The following DACT2 variants were observed in gnomAD, a reference collection of about 807,000 sequenced individuals.
The protein encoded by DACT2 is dapper homolog 2.
In DACT2, 20 loss-of-function variants were observed where a neutral mutation model predicts 22.2. The observed-to-expected ratio is 0.90, with a 90% confidence interval of 0.63 to 1.31. The LOEUF is 1.31. Ranked by LOEUF, DACT2 falls within the 50% of genes most tolerant of loss-of-function variation. The pLI is 0.00. For synonymous variants in DACT2, 463 were observed against 479.8 expected (o/e 0.96, Z 0.46); for missense variants, 1,048 against 1,061.4 (o/e 0.99, Z 0.18).
chr6:168,312,970 G>A (rs9355200), intron 1 of DACT2, among the ~76,000 whole-genome samples: 30,721 of 152,156 alleles, frequency 0.2, 3,812 homozygotes, highest in East Asian at 0.6. Context: ...TCTGTGCCAG[G>A]AGCAGACCTC....
Position 168,319,638 on chromosome 6 carries a change from C to T in DACT2, c.-5G>A. The T allele has an allele frequency of 3.1e-6, 4 of 1,270,742 alleles. No individual in the cohort carries two copies. The highest frequency in any genetic ancestry group is 1.6e-5 in the African/African-American group (1 of 63,840). 78.7% of individuals were successfully genotyped at this position (1,270,742 alleles called of 1,614,324 possible). A position where few individuals can be genotyped will look rare whatever the true frequency, so the allele number is the denominator to read the frequency against. On this transcript the variant is annotated 5_prime_UTR_variant, in exon 1 of 4. Coordinates refer to ENST00000366795, the MANE Select transcript of DACT2 (RefSeq NM_214462.5). ...GGGTCCGCCCGGCGTCCACATCTCCCGGGCAGGGTCCCGGCCTCCCGAACC... is the reference window on the plus strand; with the variant it reads ...GGGTCCGCCCGGCGTCCACATCTCCTGGGCAGGGTCCCGGCCTCCCGAACC...
chr6:168,294,142 GA>G lies in DACT2; in HGVS notation c.785del (p.Phe262SerfsTer4). On this transcript the variant is annotated frameshift_variant, in exon 5 of 6. Coordinates refer to the DACT2 transcript ENST00000366796. LOFTEE classifies it high-confidence loss of function. ...AGCATGGAGCACTTACCACTGAGCA[GA>G]AAGGGAGCTGACAGCCACAGAGGCC... 1 of 703,010 alleles carries G rather than the reference GA, an allele frequency of 1.4e-6. No individual in the cohort carries two copies. The highest frequency in any genetic ancestry group is 2.6e-6 in the Non-Finnish European group (1 of 385,006). The allele number at this position is 703,010 out of a possible 1,614,324, so 43.5% of individuals were successfully genotyped here.
At chr6:168,313,811 G>A (rs926604883) in intron 1 of DACT2, among the ~76,000 whole-genome samples, 1 of 152,044 alleles carries the variant, frequency 6.6e-6, no homozygotes, top group Non-Finnish European at 1.5e-5. Context: ...TCCCGCCCCC[G>A]TGTCTGTGCT....
At chr6:168,311,591 CACACAT>C (rs1779412330) in intron 1 of DACT2, among the ~76,000 whole-genome samples, 1 of 58,350 alleles carries the variant, frequency 1.7e-5, no homozygotes, top group African/African-American at 5.8e-5. Context: ...CATCCACACA[CACACAT>C]ACACACACAC....
chr6:168,310,260 G>T lies in DACT2; in HGVS notation c.566C>A (p.Pro189His). 1.9e-6 allele frequency: 3 copies of T among 1,551,416 alleles called. No individual in the cohort carries two copies. The highest frequency in any genetic ancestry group is 3.9e-5 in the Admixed American group (2 of 51,000). Reference protein sequence around the residue: ...VDETTVPAWRPQATEEGARPP... With the variant: ...VDETTVPAWRHQATEEGARPP... ...CCTGGCGCCCTCCTCGGTAGCCTGG[G>T]GTCTCCACGCTGGCACAGTAGTCTC... is the stretch of plus-strand genomic sequence containing the variant. Residue 189 changes from proline (P) to histidine (H), a missense_variant, in exon 3 of 4, where the codon CCC becomes CAC. Coordinates refer to ENST00000366795, the MANE Select transcript of DACT2 (RefSeq NM_214462.5).
At chr6:168,309,463 G>A (rs1218580540) in intron 3 of DACT2, among the ~76,000 whole-genome samples, 1 of 152,218 alleles carries the variant, frequency 6.6e-6, no homozygotes, top group African/African-American at 2.4e-5. Context: ...GACACAGGGT[G>A]CGGGGCCCTA....
rs1362777646 is a variant in DACT2 at position 168,308,568 on chromosome 6, C to G, written c.1189G>C (p.Gly397Arg). 2.6e-6 allele frequency: 4 copies of G among 1,548,886 alleles called. No individual in the cohort carries two copies. The highest frequency in any genetic ancestry group is 3.5e-6 in the Non-Finnish European group (4 of 1,146,968). Residue 397 changes from glycine to arginine, a missense_variant, in exon 4 of 4, where the codon GGT becomes CGT. Gly to Arg is a moderately radical substitution (Grantham distance 125, BLOSUM62 -2). Transcript: ENST00000366795. ...TGCTGGGGCCCGCCCCTGCCGGCAC[C>G]CCTGCTCTGAGCTGGCCCTCCCTCG... ...EDEGGPAQSR[G>R]AGRGGPQQQG...
At position 168,308,943 on chromosome 6, in the gene DACT2, C is replaced by T; in HGVS notation, c.814G>A (p.Val272Met). ...TGCAGGGGGCTGGGGTACGGGTACACCTCCCTGCCGCCCTGGGACACCAGG... is the reference window on the plus strand; with the variant it reads ...TGCAGGGGGCTGGGGTACGGGTACATCTCCCTGCCGCCCTGGGACACCAGG... ...QDLVSQGGRE[V>M]YPYPSPLHAV... The change falls in exon 4 of 4, where the codon GTG becomes ATG. Residue 272 changes from valine to methionine, a missense_variant. Val to Met is a conservative substitution (Grantham distance 21). Transcript: ENST00000366795. The T allele has an allele frequency of 6.5e-7, 1 of 1,549,878 alleles. No homozygotes were observed. Among genetic ancestry groups the T allele is most frequent in the Non-Finnish European group, 8.7e-7 (1 of 1,146,968 alleles).
chr6:168,295,924 G>T (rs1778999695), intron 3 of DACT2, among the ~76,000 whole-genome samples: 1 of 152,288 alleles, frequency 6.6e-6, no homozygotes, highest in African/African-American at 2.4e-5. Context: ...CCTCACGTAC[G>T]TGATGCCCAG....
chr6:168,309,979 G>C (rs533079480), intron 3 of DACT2, among the ~76,000 whole-genome samples, 189 bp downstream of exon 3: 3 of 152,216 alleles, frequency 2.0e-5, no homozygotes, highest in Non-Finnish European at 2.9e-5. Flanking sequence ...GTGGTGATGC[G>C]CACAGCCGCA....
At chr6:168,296,975 G>A (rs1043905967) in intron 3 of DACT2, among the ~76,000 whole-genome samples, 14 of 152,114 alleles carry the variant, frequency 9.2e-5, no homozygotes, top group African/African-American at 3.4e-4. Context: ...AGAAAATGGG[G>A]GAAAAGGGTA....
intron 3 of DACT2, among the ~76,000 whole-genome samples, chr6:168,297,287 G>T (rs2114892969): frequency 1.3e-5 from 2 of 152,308 alleles, no homozygotes; most frequent in Admixed American, 1.3e-4. Context: ...GATGAAGTTT[G>T]CCAAGGGAAT....
Position 168,312,775 on chromosome 6 carries a change from A to G in DACT2, c.247-1491T>C, listed in dbSNP as rs1031223632. 2.0e-5 allele frequency among the ~76,000 whole-genome samples: 3 copies of G among 152,242 alleles called. No homozygotes were observed. The East Asian group carries it at 5.8e-4, about 29-fold the overall frequency. ...GAAATGAGGAGTTCCCCTGAGCCCC[A>G]TAACCTAGGCCTCAGGGAATTACTT... On this transcript the variant is annotated intron_variant, in intron 1 of 3. Coordinates refer to ENST00000366795, the MANE Select transcript of DACT2 (RefSeq NM_214462.5).
chr6:168,307,925 G>A lies in DACT2; in HGVS notation c.1832C>T (p.Ser611Phe), dbSNP rs1779261426. The A allele has an allele frequency of 2.6e-6, 4 of 1,546,656 alleles. No homozygotes were observed. The highest frequency in any genetic ancestry group is 3.5e-6 in the Non-Finnish European group (4 of 1,146,828). The change falls in exon 4 of 4, where the codon TCC (serine) becomes TTC (phenylalanine). Residue 611 changes from serine (S) to phenylalanine (F), a missense_variant. By Grantham distance (155) the Ser-to-Phe change is radical. Coordinates refer to ENST00000366795, the MANE Select transcript of DACT2 (RefSeq NM_214462.5). This position sits in a 1 kb window ranked among gnomAD's most constrained non-coding sequence, Gnocchi z 5.3. The stretch of plus-strand genomic sequence containing the variant: ...GGCCCGGGCCGAGATCTCCACGGTG[G>A]ACTGCCAGCGGCGATGCTTCCTCCT... ...VARRKHRRWQ[S>F]TVEISARARL...
intron 3 of DACT2, chr6:168,298,263 C>T (rs982727434): frequency 2.6e-5 from 4 of 152,180 alleles, no homozygotes; most frequent in Admixed American, 2.6e-4. Flanking sequence ...AGTTTTTACA[C>T]ATTACTTATT....
chr6:168,306,450 T>G (rs1779208205), downstream of DACT2, among the ~76,000 whole-genome samples: 1 of 152,072 alleles, frequency 6.6e-6, no homozygotes, highest in South Asian at 2.1e-4. Context: ...GCCCCCTCTT[T>G]TTTTTCTTTT....
chr6:168,294,325 G>A (rs1269829906), intron 4 of DACT2: 40 of 683,164 alleles, frequency 5.9e-5, no homozygotes, highest in African/African-American at 4.9e-4. Flanking sequence ...GGAAGAGGAC[G>A]GCCACGCTTC....
intron 3 of DACT2, among the ~76,000 whole-genome samples, chr6:168,301,756 C>G (rs1407138605): frequency 6.6e-6 from 1 of 152,246 alleles, no homozygotes; most frequent in Admixed American, 6.5e-5. Flanking sequence ...GCCCAGCCCA[C>G]TCACTGCGGC....
rs772530731 is a variant in DACT2 at position 168,307,668 on chromosome 6, G to C, written c.2089C>G (p.Arg697Gly). 208 of 1,549,174 alleles carry C rather than the reference G, an allele frequency of 1.3e-4. No individual in the cohort carries two copies. The highest frequency in any genetic ancestry group is 1.8e-4 in the Non-Finnish European group (201 of 1,145,790). Residue 697 changes from arginine to glycine, a missense_variant, in exon 4 of 4, where the codon CGT becomes GGT. Physicochemically the swap from Arg to Gly is moderately radical, Grantham distance 125. Coordinates refer to ENST00000366795, the MANE Select transcript of DACT2 (RefSeq NM_214462.5). This position sits in a 1 kb window ranked among gnomAD's most constrained non-coding sequence, Gnocchi z 5.3. ...TCCTCGTCGCTGCTGCTGGACTCAC[G>C]GTCTCCGAATCGGTTGGTGGTGTGG... ...SDHTTNRFGD[R>G]ESSSSDEEGG...
Sources: allele counts gnomAD v4.1 joint callset (sites outside exome capture counted in the v4.1 genomes callset), GRCh38; gene constraint gnomAD v4.1.1; non-coding constraint Gnocchi (gnomAD v3.1); transcripts MANE v1.5; gene names NCBI Gene and HGNC (gene_info 2026-07-23, HGNC 2026-07-21).